MAP4K4: variants seen among roughly 807,000 people sequenced by gnomAD.
MAP4K4 encodes the protein HPK/GCK-like kinase HGK.
A neutral mutation model predicts 189.6 loss-of-function variants in MAP4K4; 38 were observed. The ratio of observed to expected loss-of-function variants is 0.20; its 90% confidence interval spans 0.15 to 0.26. The LOEUF (loss-of-function observed/expected upper bound fraction) is 0.26. Among genes scored for constraint, MAP4K4 ranks in the 10% least tolerant of loss-of-function variants. The pLI is 1.00. For synonymous variants in MAP4K4, 610 were observed against 624.3 expected (o/e 0.98, Z 0.34); for missense variants, 1,054 against 1,726.9 (o/e 0.61, Z 6.91).
At chr2:101,759,529 C>T (rs1385415505) in intron 2 of MAP4K4, among the ~76,000 whole-genome samples, 5 of 38,870 alleles carry the variant, frequency 1.3e-4, no homozygotes, top group African/African-American at 5.6e-4. Context: ...ATTCCCCTCC[C>T]CTCCCCATTC....
At chr2:101,819,062 T>TA (rs2095881169) in intron 3 of MAP4K4, among the ~76,000 whole-genome samples, 1 of 152,224 alleles carries the variant, frequency 6.6e-6, no homozygotes, top group Admixed American at 6.5e-5. Context: ...ATGGAATATA[T>TA]AAACTTCCTC....
chr2:101,805,271 A>G (rs1304383109), intron 3 of MAP4K4, among the ~76,000 whole-genome samples: 1 of 152,010 alleles, frequency 6.6e-6, no homozygotes, highest in Non-Finnish European at 1.5e-5. Context: ...TCTTGCAGTC[A>G]CTAACTGTTC....
At chr2:101,864,973 G>C (rs764946182) in exon 18 of MAP4K4, 1 of 1,579,902 alleles carries the variant, frequency 6.3e-7, no homozygotes, top group South Asian at 1.2e-5. Context: ...CTGTCCCGTC[G>C]AGATTCCCCA....
chr2:101,757,355 A>C (rs2073421712), intron 2 of MAP4K4, among the ~76,000 whole-genome samples: 1 of 152,234 alleles, frequency 6.6e-6, no homozygotes, highest in Non-Finnish European at 1.5e-5. Context: ...CTTTTTCTAC[A>C]AAATTTGAGA....
chr2:101,756,873 G>A (rs1435900694), intron 2 of MAP4K4, among the ~76,000 whole-genome samples: 1 of 151,802 alleles, frequency 6.6e-6, no homozygotes, highest in Non-Finnish European at 1.5e-5. Flanking sequence ...AGCCATTACA[G>A]GGGTATTTTA....
At chr2:101,698,357 G>C in intron 1 of MAP4K4, 116 bp from the exon 2 acceptor site, 2 of 1,015,986 alleles carry the variant, frequency 2.0e-6, no homozygotes. Context: ...CTGGGGGACC[G>C]CGCGGGGCGA....
intron 2 of MAP4K4, among the ~76,000 whole-genome samples, chr2:101,784,849 G>A (rs2089847507): frequency 6.6e-6 from 1 of 152,170 alleles, no homozygotes; most frequent in African/African-American, 2.4e-5. Context: ...GGTATAGAGA[G>A]CCAGTCTAGG....
chr2:101,726,428 C>T (rs1219596377), intron 2 of MAP4K4, among the ~76,000 whole-genome samples: 1 of 152,086 alleles, frequency 6.6e-6, no homozygotes, highest in Admixed American at 6.5e-5. Flanking sequence ...AATTTATGAG[C>T]CTTCTTTCTT....
At chr2:101,708,314 A>G (rs2043489521) in intron 2 of MAP4K4, among the ~76,000 whole-genome samples, 1 of 149,034 alleles carries the variant, frequency 6.7e-6, no homozygotes, top group East Asian at 1.9e-4. Context: ...ATCCAGAACA[A>G]TAACAATACC....
chr2:101,878,040 C>T (rs529969475), intron 27 of MAP4K4, among the ~76,000 whole-genome samples: 25 of 152,236 alleles, frequency 1.6e-4, no homozygotes, highest in African/African-American at 5.8e-4. Flanking sequence ...TGAGCCACTG[C>T]GCCCGGCCAA....
chr2:101,886,676 C>T (rs928984659), intron 29 of MAP4K4, among the ~76,000 whole-genome samples: 6 of 152,134 alleles, frequency 3.9e-5, no homozygotes, highest in South Asian at 2.1e-4. Flanking sequence ...TGTTGCCTTA[C>T]GGTTGTTGCC....
At chr2:101,846,919 G>C (rs1192433040) in intron 12 of MAP4K4, among the ~76,000 whole-genome samples, 1 of 152,162 alleles carries the variant, frequency 6.6e-6, no homozygotes, top group Non-Finnish European at 1.5e-5. Context: ...CCGTATTTGG[G>C]GGTTTGGTTC....
intron 2 of MAP4K4, among the ~76,000 whole-genome samples, chr2:101,742,653 C>T (rs2063386459): frequency 2.6e-5 from 4 of 152,140 alleles, no homozygotes; most frequent in Admixed American, 1.3e-4. Context: ...AAAGTCCTCT[C>T]CCTGATTGTT....
Position 101,837,715 on chromosome 2 carries a change from A to G in MAP4K4, c.773+1737A>G, listed in dbSNP as rs756312275. Among the ~76,000 whole-genome samples, 5 of 152,102 alleles carry G rather than the reference A, an allele frequency of 3.3e-5. 1 individual carries two copies. In the South Asian group the frequency reaches 1.0e-3, roughly 31 times the overall value. On this transcript the variant is annotated intron_variant, in intron 9 of 32. Coordinates refer to ENST00000324219, the Ensembl canonical transcript of MAP4K4. Reference sequence around the variant, plus strand: ...TTCCCCTTTTCTTTATCTCTCTCAGATTTTGTTGACAGAAGTCTATACTGG... The same window carrying G: ...TTCCCCTTTTCTTTATCTCTCTCAGGTTTTGTTGACAGAAGTCTATACTGG...
At position 101,699,319 on chromosome 2, in the gene MAP4K4, G is replaced by A. The variant is rs955444970; in HGVS notation, c.123+781G>A. On this transcript the variant is annotated intron_variant, in intron 2 of 32. Transcript: ENST00000324219. ...ACTAGCAAATCTGGAGACTGAGTCTGCGCTGAGTAGCTGACACCTGATGTG... is the reference window on the plus strand; with the variant it reads ...ACTAGCAAATCTGGAGACTGAGTCTACGCTGAGTAGCTGACACCTGATGTG... Among the ~76,000 whole-genome samples, 7 of 152,204 alleles carry A rather than the reference G, an allele frequency of 4.6e-5. No homozygotes were observed. In the South Asian group the frequency reaches 1.2e-3, roughly 27 times the overall value.
chr2:101,758,741 G>A (rs1275323954), intron 2 of MAP4K4, among the ~76,000 whole-genome samples: 1 of 152,188 alleles, frequency 6.6e-6, no homozygotes, highest in Non-Finnish European at 1.5e-5. Context: ...GCAAAGGTCA[G>A]GAATATAGGC....
At chr2:101,758,077 A>C (rs553691409) in intron 2 of MAP4K4, among the ~76,000 whole-genome samples, 2 of 152,330 alleles carry the variant, frequency 1.3e-5, no homozygotes, top group South Asian at 2.1e-4. Context: ...AGTTATGTGA[A>C]TATGGGCTCT....
chr2:101,859,875 T>C lies in MAP4K4; in HGVS notation c.1704+11T>C. 6.3e-7 allele frequency: 1 copy of C among 1,586,432 alleles called. No individual in the cohort carries two copies. The highest frequency in any genetic ancestry group is 2.3e-5 in the East Asian group (1 of 43,546). On this transcript the variant is annotated intron_variant, in intron 15 of 32. Coordinates refer to ENST00000324219, the Ensembl canonical transcript of MAP4K4. ...GACCGAGCGCGAGAGGTATCCTCTT[T>C]CCTTTGTCACTTAGACATTGCCCTG...
chr2:101,738,439 A>G (rs572730265), intron 2 of MAP4K4, among the ~76,000 whole-genome samples: 2 of 152,184 alleles, frequency 1.3e-5, no homozygotes, highest in Non-Finnish European at 2.9e-5. Flanking sequence ...AAGCAGTAGG[A>G]TGCCTTTTTA....
Sources: gnomAD v4.1 joint callset for allele counts (sites outside exome capture counted in the v4.1 genomes callset) on GRCh38, gnomAD v4.1.1 for gene constraint, MANE v1.5 for transcripts, NCBI Gene and HGNC (gene_info 2026-07-23, HGNC 2026-07-21) for gene names.